CARMIL3: variants seen among roughly 807,000 people sequenced by gnomAD.
The protein encoded by CARMIL3 is capping protein regulator and myosin 1 linker 3, also known as capping protein, Arp2/3 and myosin-I linker protein 3.
A neutral mutation model predicts 180.8 loss-of-function variants in CARMIL3; 88 were observed. That is an observed-to-expected ratio of 0.49 (90% CI 0.41 to 0.58). CARMIL3 has a LOEUF of 0.58. CARMIL3 is among the 20% of genes least tolerant of loss of function. The pLI is 0.00. For synonymous variants in CARMIL3, 696 were observed against 714.5 expected (o/e 0.97, Z 0.41); for missense variants, 1,548 against 1,787.0 (o/e 0.87, Z 2.41).
chr14:24,062,262 T>G, intron 27 of CARMIL3: 2 of 590,882 alleles, frequency 3.4e-6, no homozygotes, highest in East Asian at 2.8e-5. Flanking sequence ...TCCCCACACA[T>G]AGTTGGGCTG....
Position 24,058,290 on chromosome 14 carries a change from A to G in CARMIL3, c.1392+66A>G. 3 of 1,530,728 alleles carry G rather than the reference A, an allele frequency of 2.0e-6. No individual in the cohort carries two copies. The highest frequency in any genetic ancestry group is 2.7e-6 in the Non-Finnish European group (3 of 1,127,768). The allele number at this position is 1,530,728 out of a possible 1,614,324, so 94.8% of individuals were successfully genotyped here. On this transcript the variant is annotated intron_variant, in intron 17 of 39. Transcript: ENST00000342740. The surrounding 1 kb of genome is among the most constrained non-coding windows in gnomAD (Gnocchi z 6.4). ...CATGTGCATTTCTCAGACCTAAGTC[A>G]AACCCTGGCTCCATCTAGCCTCTGT... is the stretch of plus-strand genomic sequence containing the variant.
Position 24,061,378 on chromosome 14 carries a change from C to T in CARMIL3, c.2305-119C>T, listed in dbSNP as rs546514251. 1,495 of 1,070,482 alleles carry T rather than the reference C, an allele frequency of 1.4e-3. 29 individuals are homozygous for T. In the South Asian group the frequency reaches 0.022, roughly 16 times the overall value. 66.3% of individuals were successfully genotyped at this position (1,070,482 alleles called of 1,614,324 possible). A position where few individuals can be genotyped will look rare whatever the true frequency, so the allele number is the denominator to read the frequency against. Reference sequence around the variant, plus strand: ...GGCTCTGCCACTAACAGTTTTGTGACTTAGGCAGGTCCCTCAGTCTCAGCA... The same window carrying T: ...GGCTCTGCCACTAACAGTTTTGTGATTTAGGCAGGTCCCTCAGTCTCAGCA... On this transcript the variant is annotated intron_variant, in intron 26 of 39. Transcript: ENST00000342740. The surrounding 1 kb of genome is among the most constrained non-coding windows in gnomAD (Gnocchi z 4.1).
Position 24,053,931 on chromosome 14 carries a change from G to A in CARMIL3, c.135+128G>A, listed in dbSNP as rs1052011157. The A allele has an allele frequency of 1.2e-5, 14 of 1,142,670 alleles. No individual in the cohort carries two copies. The African/African-American group carries it at 1.4e-4, about 11-fold the overall frequency. The allele number at this position is 1,142,670 out of a possible 1,614,324, so 70.8% of individuals were successfully genotyped here. On this transcript the variant is annotated intron_variant, in intron 2 of 39. Transcript: ENST00000342740. Reference sequence around the variant, plus strand: ...ACACTGAGGAGACAAAACCTGGGGGGAGGAGGCAGGGCTGGACTGTGTTGA... The same window carrying A: ...ACACTGAGGAGACAAAACCTGGGGGAAGGAGGCAGGGCTGGACTGTGTTGA...
rs1440739762 is a variant in CARMIL3 at position 24,062,573 on chromosome 14, G to C, written c.2568+6G>C. On this transcript the variant is annotated splice_donor_region_variant and intron_variant, in intron 28 of 39. Transcript: ENST00000342740. Reference sequence around the variant, plus strand: ...ACCATTCCCACAAGAGCCTGGTAAGGCTTCTTCTGCAGCCTGGCCTGGCTC... The same window carrying C: ...ACCATTCCCACAAGAGCCTGGTAAGCCTTCTTCTGCAGCCTGGCCTGGCTC... 10 of 1,613,974 alleles carry C rather than the reference G, an allele frequency of 6.2e-6. No homozygotes were observed. In the African/African-American group the frequency reaches 6.7e-5, roughly 11 times the overall value.
At position 24,061,005 on chromosome 14, in the gene CARMIL3, A is replaced by G. The variant is rs1200302252; in HGVS notation, c.2269A>G (p.Ser757Gly). 1.3e-6 allele frequency: 2 copies of G among 1,551,542 alleles called. No homozygotes were observed. Among genetic ancestry groups the G allele is most frequent in the Non-Finnish European group, 1.7e-6 (2 of 1,146,984 alleles). The change falls in exon 26 of 40, where the codon AGT becomes GGT. Residue 757 changes from serine (S) to glycine (G), a missense_variant. This residue lies in a region of CARMIL3 where 297 missense variants were observed against 415.9 expected (regional missense o/e 0.71). Transcript: ENST00000342740. The surrounding 1 kb of genome is among the most constrained non-coding windows in gnomAD (Gnocchi z 4.1). ...GCGGCAGAGGCTGGAATCAGTAGCA[A>G]GTGAGGTGTCCAAAGCTGTGGACAA... ...PVRQRLESVASEVSKAVDKEL... is the reference protein window; with the variant it reads ...PVRQRLESVAGEVSKAVDKEL...
At position 24,065,649 on chromosome 14, in the gene CARMIL3, G is replaced by T. The variant is rs757453657; in HGVS notation, c.3424G>T (p.Gly1142Trp). Residue 1142 changes from glycine to tryptophan, a missense_variant, in exon 34 of 40, where the codon GGG becomes TGG. Transcript: ENST00000342740. The part of the protein sequence containing the change: ...MGTEGSEPGE[G>W]GPAPGTAQQP... Reference sequence around the variant, plus strand: ...CACTGAGGGGTCAGAGCCAGGGGAGGGGGGCCCAGCCCCTGGGACAGCACA... The same window carrying T: ...CACTGAGGGGTCAGAGCCAGGGGAGTGGGGCCCAGCCCCTGGGACAGCACA... 2.5e-6 allele frequency: 4 copies of T among 1,613,312 alleles called. 1 individual carries two copies. In the South Asian group the frequency reaches 3.3e-5, roughly 13 times the overall value.
At chr14:24,053,839 G>T in intron 2 of CARMIL3, 36 bp downstream of exon 2, 1 of 1,560,708 alleles carries the variant, frequency 6.4e-7, no homozygotes, top group Non-Finnish European at 8.8e-7. Flanking sequence ...GGAGGAGGTG[G>T]CTGGCAAGGG....
In CARMIL3 at chr14:24,059,521, T is replaced by C; in HGVS notation, c.1799+79T>C. 6.6e-7 allele frequency: 1 copy of C among 1,523,054 alleles called. No homozygotes were observed. Among genetic ancestry groups the C allele is most frequent in the Admixed American group, 2.0e-5 (1 of 50,336 alleles). 94.3% of individuals were successfully genotyped at this position (1,523,054 alleles called of 1,614,324 possible). A position where few individuals can be genotyped will look rare whatever the true frequency, so the allele number is the denominator to read the frequency against. ...TACATAATCTCCCTGCTTTCCTTGATGCTCTGGACCCCAGCTTCCAGAAGA... is the reference window on the plus strand; with the variant it reads ...TACATAATCTCCCTGCTTTCCTTGACGCTCTGGACCCCAGCTTCCAGAAGA... On this transcript the variant is annotated intron_variant, in intron 21 of 39. Transcript: ENST00000342740. This position sits in a 1 kb window ranked among gnomAD's most constrained non-coding sequence, Gnocchi z 6.3.
chr14:24,069,493 C>T lies in CARMIL3; in HGVS notation c.*89C>T. 3.2e-6 allele frequency: 5 copies of T among 1,557,638 alleles called. No homozygotes were observed. The highest frequency in any genetic ancestry group is 1.8e-6 in the Non-Finnish European group (2 of 1,138,330). On this transcript the variant is annotated 3_prime_UTR_variant, in exon 40 of 40. Coordinates refer to ENST00000342740, the MANE Select transcript of CARMIL3 (RefSeq NM_138360.4). The stretch of plus-strand genomic sequence containing the variant: ...ACCCCCAGTCCCCAGGGCCCCCTGC[C>T]AGCCCCTGTCCTACAGGGGCAAGAC...
intron 32 of CARMIL3, 75 bp from the exon 33 acceptor site, chr14:24,064,883 G>C: frequency 1.4e-6 from 2 of 1,474,198 alleles, no homozygotes; most frequent in Non-Finnish European, 1.9e-6. Context: ...CCAGATGAGA[G>C]GAAAGCAGGT....
chr14:24,056,923 G>A lies in CARMIL3; in HGVS notation c.961G>A (p.Ala321Thr), dbSNP rs199518055. The change falls in exon 13 of 40, where the codon GCA (alanine) becomes ACA (threonine). Residue 321 changes from alanine to threonine, a missense_variant. Transcript: ENST00000342740. ...KTAISPRGLQALGQTFGANPA... is the reference protein window; with the variant it reads ...KTAISPRGLQTLGQTFGANPA... ...GTGCCCGCTGTGCTCAGGGCTCCAG[G>A]CACTCGGCCAGACCTTCGGGGCAAA... The A allele has an allele frequency of 1.9e-6, 3 of 1,613,998 alleles. No homozygotes were observed. Among genetic ancestry groups the A allele is most frequent in the Non-Finnish European group, 2.5e-6 (3 of 1,179,990 alleles).
In CARMIL3 at chr14:24,055,140, T is replaced by C; in HGVS notation, c.531+4T>C. ...CTGCCGTGAGGAGGTTCAATGGGTA[T>C]GTTGGGCAGGGACCCCATAGGGAAC... On this transcript the variant is annotated splice_donor_region_variant and intron_variant, in intron 7 of 39. Transcript: ENST00000342740. 2.5e-6 allele frequency: 4 copies of C among 1,614,062 alleles called. No individual in the cohort carries two copies. The East Asian group carries it at 6.7e-5, about 27-fold the overall frequency.
chr14:24,061,109 TA>T lies in CARMIL3; in HGVS notation c.2304+72del. On this transcript the variant is annotated intron_variant, in intron 26 of 39. Coordinates refer to ENST00000342740, the MANE Select transcript of CARMIL3 (RefSeq NM_138360.4). The surrounding 1 kb of genome is among the most constrained non-coding windows in gnomAD (Gnocchi z 4.1). The stretch of plus-strand genomic sequence containing the variant: ...TTGACTGAGGCCCTAAGCCCAGAGC[TA>T]AAGTCAGAGCTGGGAGACTTCTGGA... The T allele has an allele frequency of 7.1e-7, 1 of 1,407,806 alleles. No homozygotes were observed. The highest frequency in any genetic ancestry group is 9.8e-7 in the Non-Finnish European group (1 of 1,021,952). The allele number at this position is 1,407,806 out of a possible 1,614,324, so 87.2% of individuals were successfully genotyped here.
chr14:24,064,918 C>T lies in CARMIL3; in HGVS notation c.3081-40C>T, dbSNP rs1033628188. ...TTTATCAGACCCAGGATTGAGCTTG[C>T]ATCTGGCATTTGTTGCTAACTTACC... On this transcript the variant is annotated intron_variant, in intron 32 of 39. Transcript: ENST00000342740. 5.0e-6 allele frequency: 8 copies of T among 1,592,232 alleles called. No homozygotes were observed. The African/African-American group carries it at 8.1e-5, about 16-fold the overall frequency.
At position 24,068,889 on chromosome 14, in the gene CARMIL3, G is replaced by C; in HGVS notation, c.3905G>C (p.Gly1302Ala). The change falls in exon 38 of 40, where the codon GGA becomes GCA. Residue 1302 changes from glycine (G) to alanine (A), a missense_variant. Around this residue, in one of 4 missense-constraint regions of CARMIL3, gnomAD observed 668 missense variants for 687.8 expected, o/e 0.97. Transcript: ENST00000342740. ...GGGGTCAGGGAGGAGGCTGAGGCTGGAGATGCAGCTCCAGGAGTCAACAAA... is the reference window on the plus strand; with the variant it reads ...GGGGTCAGGGAGGAGGCTGAGGCTGCAGATGCAGCTCCAGGAGTCAACAAA... Reference protein sequence around the residue: ...EPGVREEAEAGDAAPGVNKPR... With the variant: ...EPGVREEAEAADAAPGVNKPR... The C allele has an allele frequency of 6.2e-7, 1 of 1,607,982 alleles. No homozygotes were observed. The highest frequency in any genetic ancestry group is 8.5e-7 in the Non-Finnish European group (1 of 1,177,384).
rs11158525 is a variant in CARMIL3, at chr14:24,054,385, G to A, written c.247-11G>A. 0.5 allele frequency: 810,707 copies of A among 1,613,580 alleles called. 209,457 individuals are homozygous for A. The highest frequency in any genetic ancestry group is 0.57 in the Admixed American group (34,474 of 59,986). On this transcript the variant is annotated splice_polypyrimidine_tract_variant and intron_variant, in intron 4 of 39. Transcript: ENST00000342740. This position sits in a 1 kb window ranked among gnomAD's most constrained non-coding sequence, Gnocchi z 5.1. ...AGGGAGTCTGAGGCTCTGACGCTTC[G>A]TCTCCCCCAGATCCTGGTGGAGACG...
Position 24,059,978 on chromosome 14 carries a change from C to G in CARMIL3, c.1877C>G (p.Thr626Arg). The change falls in exon 23 of 40, where the codon ACG becomes AGG. Residue 626 changes from threonine (T) to arginine (R), a missense_variant. Physicochemically the swap from Thr to Arg is moderately conservative, Grantham distance 71. Transcript: ENST00000342740. This position sits in a 1 kb window ranked among gnomAD's most constrained non-coding sequence, Gnocchi z 6.3. ...GCCCCTGTGTCCCACAGCAACCACA[C>G]GCTGCGCTTCATGTCCTTCCCCGTG... is the stretch of plus-strand genomic sequence containing the variant. ...DIARALESNHTLRFMSFPVSD... is the reference protein window; with the variant it reads ...DIARALESNHRLRFMSFPVSD... 1 of 1,613,954 alleles carries G rather than the reference C, an allele frequency of 6.2e-7. No individual in the cohort carries two copies. Among genetic ancestry groups the G allele is most frequent in the Non-Finnish European group, 8.5e-7 (1 of 1,179,986 alleles).
At chr14:24,055,167 G>T in intron 7 of CARMIL3, 31 bp downstream of exon 7, 1 of 1,614,052 alleles carries the variant, frequency 6.2e-7, no homozygotes, top group Non-Finnish European at 8.5e-7. Context: ...ATAGGGAACA[G>T]GTGGGACCTG....
intron 1 of CARMIL3, among the ~76,000 whole-genome samples, chr14:24,052,982 C>T (rs1188356737): frequency 6.6e-6 from 1 of 152,198 alleles, no homozygotes; most frequent in African/African-American, 2.4e-5. Flanking sequence ...CAATCTCCCA[C>T]ACCTGCACAC....
Sources: allele counts gnomAD v4.1 joint callset (sites outside exome capture counted in the v4.1 genomes callset), GRCh38; gene constraint gnomAD v4.1.1; regional missense constraint gnomAD v4.1.1; non-coding constraint Gnocchi (gnomAD v3.1); transcripts MANE v1.5; gene names NCBI Gene and HGNC (gene_info 2026-07-23, HGNC 2026-07-21).